RALGPS1: variants seen among roughly 807,000 people sequenced by gnomAD.
RALGPS1 encodes the protein ras-specific guanine nucleotide-releasing factor RalGPS1.
Under a neutral mutation model 78.8 loss-of-function variants are expected in RALGPS1, and 19 were observed. The ratio of observed to expected loss-of-function variants is 0.24; its 90% CI spans 0.17 to 0.35. RALGPS1 has a LOEUF of 0.35. Ranked by LOEUF, RALGPS1 falls within the 10% of genes least tolerant of loss-of-function variation. The probability of loss-of-function intolerance (pLI) is 1.00; values close to 1 mark genes in which losing one functional copy is unlikely to be tolerated. For synonymous variants in RALGPS1, 228 were observed against 256.3 expected (o/e 0.89, Z 1.06); for missense variants, 454 against 688.3 (o/e 0.66, Z 3.81).
chr9:127,084,732 G>A (rs962369472), intron 8 of RALGPS1, among the ~76,000 whole-genome samples: 1 of 152,244 alleles, frequency 6.6e-6, no homozygotes, highest in Non-Finnish European at 1.5e-5. Context: ...CACAGTGTCA[G>A]GGAAGCCATC....
intron 8 of RALGPS1, among the ~76,000 whole-genome samples, chr9:127,085,657 C>T (rs2051639004): frequency 6.6e-6 from 1 of 152,154 alleles, no homozygotes; most frequent in Non-Finnish European, 1.5e-5. Flanking sequence ...TAGCTGGTAT[C>T]ATGACCTGCT....
chr9:127,191,700 GTTT>G (rs11375987), intron 11 of RALGPS1, among the ~76,000 whole-genome samples: 1 of 125,538 alleles, frequency 8.0e-6, no homozygotes. Flanking sequence ...GTTTTTTTTT[GTTT>G]TTTTTTTTTT....
chr9:127,037,738 C>T (rs781215054), intron 5 of RALGPS1, among the ~76,000 whole-genome samples: 1 of 152,222 alleles, frequency 6.6e-6, no homozygotes, highest in Non-Finnish European at 1.5e-5. Flanking sequence ...GAGAAAAGAC[C>T]TGCTGCTTTT....
intron 8 of RALGPS1, among the ~76,000 whole-genome samples, chr9:127,115,085 G>C (rs1564609059): frequency 6.6e-6 from 1 of 152,184 alleles, no homozygotes; most frequent in Non-Finnish European, 1.5e-5. Flanking sequence ...GAATTTGGGT[G>C]CCCAGCTGTA....
intron 8 of RALGPS1, among the ~76,000 whole-genome samples, chr9:127,110,716 A>G (rs911201069): frequency 6.6e-6 from 1 of 152,164 alleles, no homozygotes; most frequent in Non-Finnish European, 1.5e-5. Context: ...GCTCAGGCCG[A>G]AAGTCTTGAA....
chr9:126,983,384 CT>C (rs1401619629), intron 4 of RALGPS1, among the ~76,000 whole-genome samples: 2 of 152,108 alleles, frequency 1.3e-5, no homozygotes, highest in African/African-American at 4.8e-5. Context: ...TCATTTACCT[CT>C]TTTTTTCTTT....
intron 1 of RALGPS1, among the ~76,000 whole-genome samples, chr9:126,960,270 T>C (rs1263362686): frequency 6.9e-6 from 1 of 144,592 alleles, no homozygotes; most frequent in Non-Finnish European, 1.5e-5. Flanking sequence ...AATCTTGCTC[T>C]ATCACCAGGC....
At position 127,211,543 on chromosome 9, in the gene RALGPS1, C is replaced by T. The variant is rs1257485813; in HGVS notation, c.1248-588C>T. Among the ~76,000 whole-genome samples, 5 of 152,114 alleles carry T rather than the reference C, an allele frequency of 3.3e-5. No individual in the cohort carries two copies. The highest frequency in any genetic ancestry group is 1.9e-4 in the East Asian group (1 of 5,180). On this transcript the variant is annotated intron_variant, in intron 14 of 18. Transcript: ENST00000259351. This position sits in a 1 kb window ranked among gnomAD's most constrained non-coding sequence, Gnocchi z 5.0. ...GCCATTCCTGAGGCACCGGCAGATCCGGAGCTCAGGAGGGAGGTGTGGGCT... is the reference window on the plus strand; with the variant it reads ...GCCATTCCTGAGGCACCGGCAGATCTGGAGCTCAGGAGGGAGGTGTGGGCT...
At chr9:127,184,090 C>G (rs2060473216) in intron 11 of RALGPS1, 7 of 1,524,348 alleles carry the variant, frequency 4.6e-6, no homozygotes, top group Non-Finnish European at 6.2e-6. Context: ...CTTTGGGAAG[C>G]CGAAGCAGGA....
intron 4 of RALGPS1, among the ~76,000 whole-genome samples, chr9:127,011,826 G>A (rs914962049): frequency 5.3e-5 from 8 of 152,154 alleles, no homozygotes; most frequent in South Asian, 4.1e-4. Flanking sequence ...CCTGTCCCCC[G>A]TCTTACAGAG....
At chr9:127,156,989 C>G (rs1357825097) in intron 8 of RALGPS1, among the ~76,000 whole-genome samples, 4 of 151,890 alleles carry the variant, frequency 2.6e-5, no homozygotes, top group African/African-American at 7.3e-5. Flanking sequence ...GTTCCTTTTC[C>G]TATTGATTTG....
chr9:126,973,255 C>T (rs1462818711), intron 3 of RALGPS1, among the ~76,000 whole-genome samples: 1 of 152,050 alleles, frequency 6.6e-6, no homozygotes, highest in Non-Finnish European at 1.5e-5. Context: ...GTAGTTGTAG[C>T]TTCTCAGGAG....
In RALGPS1 at chr9:127,191,888, G is replaced by A. The variant is rs561041441; in HGVS notation, c.911-3203G>A. Reference sequence around the variant, plus strand: ...AATTTTTTGTATTTTTAGTAGAGACGGGGTTTCACCGTGTCAGCCAGGATG... The same window carrying A: ...AATTTTTTGTATTTTTAGTAGAGACAGGGTTTCACCGTGTCAGCCAGGATG... On this transcript the variant is annotated intron_variant, in intron 11 of 18. Transcript: ENST00000259351. 1.1e-4 allele frequency among the ~76,000 whole-genome samples: 17 copies of A among 152,010 alleles called. 1 individual carries two copies. Among genetic ancestry groups the A allele is most frequent in the Admixed American group, 8.5e-4 (13 of 15,260 alleles).
intron 8 of RALGPS1, among the ~76,000 whole-genome samples, chr9:127,076,925 G>A (rs1171085362): frequency 2.0e-5 from 3 of 152,216 alleles, no homozygotes; most frequent in Non-Finnish European, 4.4e-5. Flanking sequence ...ACACGAAGAT[G>A]ACAGCTTGTG....
intron 8 of RALGPS1, among the ~76,000 whole-genome samples, chr9:127,120,827 C>CAA (rs968011060): frequency 9.8e-5 from 12 of 121,954 alleles, no homozygotes; most frequent in South Asian, 5.3e-4. Context: ...GACTCCATCT[C>CAA]AAAAAAAAAA....
intron 2 of RALGPS1, among the ~76,000 whole-genome samples, chr9:126,963,378 T>C (rs934789210): frequency 6.6e-5 from 10 of 152,182 alleles, no homozygotes; most frequent in African/African-American, 2.4e-4. Flanking sequence ...TATATATATT[T>C]GAGTGTGTAT....
At chr9:127,206,461 AG>A (rs2061934895) in intron 14 of RALGPS1, among the ~76,000 whole-genome samples, 1 of 152,194 alleles carries the variant, frequency 6.6e-6, no homozygotes, top group Non-Finnish European at 1.5e-5. Flanking sequence ...GCTGAGCAAA[AG>A]GGGGAAGAGC....
Position 127,212,849 on chromosome 9 carries a change from G to C in RALGPS1, c.1447-95G>C. On this transcript the variant is annotated intron_variant, in intron 16 of 18. Transcript: ENST00000259351. The surrounding 1 kb of genome is among the most constrained non-coding windows in gnomAD (Gnocchi z 6.0). ...GGAGGATGCAGGTGGGAAGGCGGCAGGGGAGGGAGGAAGCCTTGCCTGGCC... is the reference window on the plus strand; with the variant it reads ...GGAGGATGCAGGTGGGAAGGCGGCACGGGAGGGAGGAAGCCTTGCCTGGCC... The C allele has an allele frequency of 6.3e-7, 1 of 1,582,972 alleles. No homozygotes were observed. The highest frequency in any genetic ancestry group is 8.6e-7 in the Non-Finnish European group (1 of 1,159,512).
intron 8 of RALGPS1, among the ~76,000 whole-genome samples, chr9:127,158,535 C>G (rs1049558658): frequency 3.3e-5 from 5 of 152,148 alleles, no homozygotes; most frequent in Non-Finnish European, 7.4e-5. Flanking sequence ...TCTTTTTCCT[C>G]AGTCGTACAT....
Sources: allele counts gnomAD v4.1 joint callset (sites outside exome capture counted in the v4.1 genomes callset), GRCh38; gene constraint gnomAD v4.1.1; non-coding constraint Gnocchi (gnomAD v3.1); transcripts MANE v1.5; gene names NCBI Gene and HGNC (gene_info 2026-07-23, HGNC 2026-07-21).